Variants in EXOC4 observed in about 807,000 individuals in gnomAD.
EXOC4 encodes the protein SEC8-like 1.
In EXOC4, 71 loss-of-function variants were observed where a neutral mutation model predicts 107.2. The observed-to-expected ratio is 0.66, with a 90% CI of 0.55 to 0.81. EXOC4 has a LOEUF of 0.81. Ranked by LOEUF, EXOC4 falls within the 30% of genes least tolerant of loss-of-function variation. EXOC4 has a pLI of 0.00. For missense variants in EXOC4, 1,108 were observed against 1,189.6 expected, an observed-to-expected ratio of 0.93 and a Z score of 1.01; for synonymous variants, 456 against 441.2, an observed-to-expected ratio of 1.03 and a Z score of -0.42.
At chr7:133,904,522 C>T (rs569329198) in intron 12 of EXOC4, among the ~76,000 whole-genome samples, 3 of 152,242 alleles carry the variant, frequency 2.0e-5, no homozygotes, top group South Asian at 2.1e-4. Flanking sequence ...GATTCCTTCC[C>T]GTAAGAAACT....
chr7:133,760,089 T>C (rs1387842900), intron 10 of EXOC4, among the ~76,000 whole-genome samples: 3 of 152,142 alleles, frequency 2.0e-5, no homozygotes, highest in Non-Finnish European at 4.4e-5. Context: ...GGGGTGCTGT[T>C]GTGCTGCTTA....
chr7:133,360,510 C>T (rs1456395866), intron 6 of EXOC4, among the ~76,000 whole-genome samples: 1 of 152,172 alleles, frequency 6.6e-6, no homozygotes, highest in Admixed American at 6.5e-5. Context: ...CCAGGGAGAC[C>T]TTTCTCTCTT....
intron 10 of EXOC4, among the ~76,000 whole-genome samples, chr7:133,756,851 G>C (rs577132906): frequency 6.6e-6 from 1 of 152,298 alleles, no homozygotes; most frequent in African/African-American, 2.4e-5. Context: ...TGACAAAAAT[G>C]AGTTCAATAT....
intron 2 of EXOC4, among the ~76,000 whole-genome samples, chr7:133,276,844 T>G (rs1002634250): frequency 6.6e-6 from 1 of 152,234 alleles, no homozygotes; most frequent in Non-Finnish European, 1.5e-5. Context: ...TAAATTATGC[T>G]TCTACAAATA....
intron 5 of EXOC4, among the ~76,000 whole-genome samples, chr7:133,340,091 T>C (rs1169930953): frequency 6.6e-6 from 1 of 152,192 alleles, no homozygotes; most frequent in Non-Finnish European, 1.5e-5. Flanking sequence ...TTGTTCCAGT[T>C]CTCAGGGGGA....
chr7:133,595,610 T>C (rs183576424), intron 9 of EXOC4, among the ~76,000 whole-genome samples: 1 of 152,340 alleles, frequency 6.6e-6, no homozygotes, highest in East Asian at 1.9e-4. Flanking sequence ...ATCCTTGTTA[T>C]AGCCTTATGA....
chr7:133,731,575 A>T (rs1024521859), intron 10 of EXOC4, among the ~76,000 whole-genome samples: 1 of 152,212 alleles, frequency 6.6e-6, no homozygotes, highest in Non-Finnish European at 1.5e-5. Flanking sequence ...ATGTCTAGCC[A>T]AATAAAATAC....
chr7:133,662,912 C>T (rs1793728875), intron 10 of EXOC4, among the ~76,000 whole-genome samples: 1 of 152,180 alleles, frequency 6.6e-6, no homozygotes, highest in Non-Finnish European at 1.5e-5. Context: ...AAACATCTCA[C>T]AGACCTGCTT....
intron 7 of EXOC4, among the ~76,000 whole-genome samples, chr7:133,465,657 T>A (rs543828471): frequency 2.0e-5 from 3 of 152,222 alleles, no homozygotes; most frequent in African/African-American, 7.2e-5. Context: ...TAAGTCTCAA[T>A]ACATTTAAAA....
chr7:133,633,829 T>C (rs1305833440), intron 10 of EXOC4, among the ~76,000 whole-genome samples: 1 of 152,106 alleles, frequency 6.6e-6, no homozygotes, highest in African/African-American at 2.4e-5. Context: ...CTTGGCAAAC[T>C]CAGATTTGTT....
intron 17 of EXOC4, among the ~76,000 whole-genome samples, chr7:134,011,853 C>T (rs756075102): frequency 6.7e-6 from 1 of 149,734 alleles, no homozygotes; most frequent in Admixed American, 6.6e-5. Context: ...GGAGGTAATC[C>T]GAAATTTTAG....
chr7:133,295,706 C>G (rs574700540), intron 3 of EXOC4, among the ~76,000 whole-genome samples: 3 of 152,196 alleles, frequency 2.0e-5, no homozygotes, highest in African/African-American at 4.8e-5. Flanking sequence ...ATAGACTGAT[C>G]TTATTTTCTC....
rs267601297 is a variant in EXOC4, at chr7:134,064,366, G to A, written c.2763G>A (p.Thr921=). 6 of 1,556,904 alleles carry A rather than the reference G, an allele frequency of 3.9e-6. No homozygotes were observed. The African/African-American group carries it at 5.5e-5, about 14-fold the overall frequency. The change falls in exon 18 of 18, where the codon ACG becomes ACA. Residue 921 remains threonine (T), a synonymous_variant. Transcript: ENST00000253861. ...TGGTGGACCAGGGTGTGAAGTACAC[G>A]GAGCTGGAGTACATCCACGCTCTGA... ...NLVVDQGVKY[T]ELEYIHALTL...
chr7:133,528,683 A>T (rs78939645), intron 9 of EXOC4, among the ~76,000 whole-genome samples: 1,908 of 152,276 alleles, frequency 0.013, 44 homozygotes, highest in African/African-American at 0.043. Context: ...TCACCAGCTT[A>T]ATTTTCTATA....
intron 9 of EXOC4, among the ~76,000 whole-genome samples, chr7:133,594,808 A>C (rs1389999354): frequency 1.3e-5 from 2 of 152,064 alleles, no homozygotes; most frequent in African/African-American, 4.8e-5. Context: ...GAGTCTTTTT[A>C]AGCCTACTCT....
chr7:133,442,729 A>G (rs1178098393), intron 7 of EXOC4, among the ~76,000 whole-genome samples: 2 of 152,194 alleles, frequency 1.3e-5, no homozygotes, highest in African/African-American at 4.8e-5. Context: ...TTTGACCACA[A>G]GGAGAAGGGA....
intron 17 of EXOC4, among the ~76,000 whole-genome samples, chr7:134,035,840 A>T (rs1795375684): frequency 6.6e-6 from 1 of 152,172 alleles, no homozygotes; most frequent in Admixed American, 6.6e-5. Flanking sequence ...ACATTGGAAG[A>T]AGAGTGTTTC....
At chr7:133,743,000 G>GA (rs1192931767) in intron 10 of EXOC4, among the ~76,000 whole-genome samples, 2 of 152,164 alleles carry the variant, frequency 1.3e-5, no homozygotes, top group African/African-American at 4.8e-5. Context: ...GCTGCTGGTG[G>GA]TTCTTAAGAG....
At chr7:133,719,840 G>A (rs970885996) in intron 10 of EXOC4, among the ~76,000 whole-genome samples, 2 of 152,064 alleles carry the variant, frequency 1.3e-5, no homozygotes, top group African/African-American at 4.8e-5. Context: ...GCAGTGTCTT[G>A]TTCAACATTC....
Sources: gnomAD v4.1 joint callset for allele counts (sites outside exome capture counted in the v4.1 genomes callset) on GRCh38, gnomAD v4.1.1 for gene constraint, MANE v1.5 for transcripts, NCBI Gene and HGNC (gene_info 2026-07-23, HGNC 2026-07-21) for gene names.